CSMD3: variants seen among roughly 807,000 people sequenced by gnomAD.
CSMD3 encodes CUB and sushi domain-containing protein 3.
CSMD3 carries 177 observed loss-of-function variants against 435.2 expected under a neutral mutation model. That is an observed-to-expected ratio of 0.41 (90% CI 0.36 to 0.46). The LOEUF (loss-of-function observed/expected upper bound fraction) is 0.46. Ranked by LOEUF, CSMD3 falls within the 20% of genes least tolerant of loss-of-function variation. CSMD3 has a pLI of 0.34. For synonymous variants in CSMD3, 1,656 were observed against 1,520.5 expected (o/e 1.09, Z -2.07); for missense variants, 4,265 against 4,504.6 (o/e 0.95, Z 1.52).
chr8:112,233,914 T>C (rs1416852674), intron 68 of CSMD3, among the ~76,000 whole-genome samples: 1 of 152,182 alleles, frequency 6.6e-6, no homozygotes, highest in Admixed American at 6.5e-5. Flanking sequence ...TGCTTCAATA[T>C]AATGGGAGTA....
chr8:112,247,136 A>T lies in CSMD3; in HGVS notation c.10111-5T>A, dbSNP rs981655078. The stretch of plus-strand genomic sequence containing the variant: ...GAACTGTACAACACTTCCTACCTAT[A>T]GCAAATTAAAGAGAGGAAAAAAATA... On this transcript the variant is annotated splice_polypyrimidine_tract_variant and splice_region_variant and intron_variant, in intron 63 of 70. Transcript: ENST00000297405. 1 of 1,583,546 alleles carries T rather than the reference A, an allele frequency of 6.3e-7. No individual in the cohort carries two copies. Among genetic ancestry groups the T allele is most frequent in the Non-Finnish European group, 8.7e-7 (1 of 1,152,516 alleles).
intron 9 of CSMD3, among the ~76,000 whole-genome samples, chr8:112,925,369 T>G (rs2082876768): frequency 6.6e-6 from 1 of 151,840 alleles, no homozygotes. Context: ...CCATCCTGGC[T>G]AACACGGTGA....
chr8:113,102,119 T>C (rs1184983580), intron 4 of CSMD3, among the ~76,000 whole-genome samples: 1 of 152,106 alleles, frequency 6.6e-6, no homozygotes, highest in African/African-American at 2.4e-5. Context: ...AGTTGGTACA[T>C]ATCCTGTAAA....
intron 6 of CSMD3, among the ~76,000 whole-genome samples, chr8:112,996,716 C>T (rs2085666829): frequency 6.6e-6 from 1 of 151,440 alleles, no homozygotes; most frequent in South Asian, 2.1e-4. Flanking sequence ...GTGTGTGCAT[C>T]CTATATCTTA....
At chr8:112,583,734 A>C (rs576805822) in intron 23 of CSMD3, among the ~76,000 whole-genome samples, 2 of 152,028 alleles carry the variant, frequency 1.3e-5, no homozygotes, top group South Asian at 2.1e-4. Flanking sequence ...AAAAACACAT[A>C]ATCAGCCAAG....
At chr8:112,297,036 A>C (rs193224753) in intron 53 of CSMD3, among the ~76,000 whole-genome samples, 1 of 151,712 alleles carries the variant, frequency 6.6e-6, no homozygotes, top group Non-Finnish European at 1.5e-5. Flanking sequence ...AACTAACACA[A>C]GGTAAAAATA....
chr8:112,673,451 C>T (rs533592324), intron 16 of CSMD3, among the ~76,000 whole-genome samples: 1 of 152,150 alleles, frequency 6.6e-6, no homozygotes, highest in East Asian at 1.9e-4. Context: ...TATATTAGTG[C>T]TTCAGGAGAC....
chr8:113,382,400 T>G (rs931826291), intron 1 of CSMD3, among the ~76,000 whole-genome samples: 2 of 152,186 alleles, frequency 1.3e-5, no homozygotes, highest in African/African-American at 4.8e-5. Context: ...ATTTTTAGTT[T>G]TTTGTACTTC....
chr8:112,966,207 TC>T (rs1473693357), intron 7 of CSMD3, among the ~76,000 whole-genome samples: 2 of 151,656 alleles, frequency 1.3e-5, no homozygotes, highest in African/African-American at 4.8e-5. Flanking sequence ...ATTAAGTAAT[TC>T]TATAAGAATT....
chr8:112,427,632 T>C (rs1813208197), intron 32 of CSMD3, among the ~76,000 whole-genome samples: 1 of 152,164 alleles, frequency 6.6e-6, no homozygotes. Flanking sequence ...ACATATGTCT[T>C]GTCACCAAAT....
intron 5 of CSMD3, among the ~76,000 whole-genome samples, chr8:113,094,257 A>G (rs532464460): frequency 1.3e-5 from 2 of 152,218 alleles, no homozygotes; most frequent in East Asian, 3.9e-4. Context: ...CCATATGCAG[A>G]CCTTCCAAAT....
At chr8:113,435,874 C>A (rs73344120) in intron 1 of CSMD3, among the ~76,000 whole-genome samples, 1 of 152,050 alleles carries the variant, frequency 6.6e-6, no homozygotes, top group Non-Finnish European at 1.5e-5. Context: ...CTGTCCCTTG[C>A]CTTCCTGCTT....
At chr8:113,338,481 C>T (rs1449659000) in intron 1 of CSMD3, among the ~76,000 whole-genome samples, 3 of 151,810 alleles carry the variant, frequency 2.0e-5, no homozygotes, top group African/African-American at 7.3e-5. Context: ...AGTTGAATCT[C>T]TATTAACTGA....
chr8:112,984,235 T>C (rs945220334), intron 6 of CSMD3, among the ~76,000 whole-genome samples: 3 of 151,944 alleles, frequency 2.0e-5, no homozygotes, highest in African/African-American at 7.2e-5. Flanking sequence ...GTATTTCTTA[T>C]GTGATTATTA....
Position 112,223,230 on chromosome 8 carries a change from G to A in CSMD3, c.*1541C>T, listed in dbSNP as rs1586434438. 2.6e-6 allele frequency: 1 copy of A among 390,212 alleles called. No individual in the cohort carries two copies. The highest frequency in any genetic ancestry group is 3.6e-5 in the East Asian group (1 of 27,698). 24.2% of individuals were successfully genotyped at this position (390,212 alleles called of 1,614,324 possible). A position where few individuals can be genotyped will look rare whatever the true frequency, so the allele number is the denominator to read the frequency against. ...GAGTACCATGTTGAGAAAATTGTAT[G>A]AATTTCCAAAACAATGTATCTCAAA... On this transcript the variant is annotated 3_prime_UTR_variant, in exon 71 of 71. Coordinates refer to ENST00000297405, the MANE Select transcript of CSMD3 (RefSeq NM_198123.2).
chr8:112,817,046 G>T (rs560601469), intron 12 of CSMD3, among the ~76,000 whole-genome samples: 4 of 152,136 alleles, frequency 2.6e-5, no homozygotes, highest in African/African-American at 9.6e-5. Flanking sequence ...TCTTTAAGAT[G>T]TTTGCTCAAT....
At chr8:112,913,236 T>A (rs7843990) in intron 10 of CSMD3, among the ~76,000 whole-genome samples, 55,431 of 151,530 alleles carry the variant, frequency 0.37, 10,291 homozygotes, top group East Asian at 0.42. Context: ...AGGAGTGGTA[T>A]GGTTTCAGGA....
intron 1 of CSMD3, among the ~76,000 whole-genome samples, chr8:113,398,174 A>G (rs1256901437): frequency 6.6e-6 from 1 of 152,154 alleles, no homozygotes; most frequent in Non-Finnish European, 1.5e-5. Flanking sequence ...GTAATTTTAT[A>G]CTTTTATTCT....
At chr8:113,182,155 T>G (rs1010995640) in intron 3 of CSMD3, among the ~76,000 whole-genome samples, 1 of 151,998 alleles carries the variant, frequency 6.6e-6, no homozygotes, top group African/African-American at 2.4e-5. Flanking sequence ...ACATACATGG[T>G]AATGACCTGG....
Sources: gnomAD v4.1 joint callset for allele counts (sites outside exome capture counted in the v4.1 genomes callset) on GRCh38, gnomAD v4.1.1 for gene constraint, MANE v1.5 for transcripts, NCBI Gene and HGNC (gene_info 2026-07-23, HGNC 2026-07-21) for gene names.